The following ANK3 variants were observed in gnomAD, a reference collection of about 807,000 sequenced individuals.
The protein encoded by ANK3 is ankyrin-3.
Under a neutral mutation model 370.9 loss-of-function variants are expected in ANK3, and 57 were observed. The ratio of observed to expected loss-of-function variants is 0.15; its 90% CI spans 0.12 to 0.19. ANK3 has a LOEUF of 0.19. ANK3 is among the 10% of genes least tolerant of loss of function. The pLI is 1.00. For missense variants in ANK3, 4,439 were observed against 5,302.1 expected (o/e 0.84, Z 5.06); for synonymous variants, 1,929 against 1,946.3 (o/e 0.99, Z 0.23).
chr10:60,085,971 A>G (rs2086602590), intron 30 of ANK3, among the ~76,000 whole-genome samples: 1 of 152,218 alleles, frequency 6.6e-6, no homozygotes. Context: ...CATTCTGTAC[A>G]TGGCATTCTG....
At chr10:60,126,543 C>T (rs1337287356) in intron 25 of ANK3, among the ~76,000 whole-genome samples, 4 of 151,766 alleles carry the variant, frequency 2.6e-5, no homozygotes, top group African/African-American at 9.7e-5. Flanking sequence ...AAAAAATTAG[C>T]GAGGTGTGGT....
intron 1 of ANK3, among the ~76,000 whole-genome samples, chr10:60,280,293 A>G (rs2098142038): frequency 6.6e-6 from 1 of 152,090 alleles, no homozygotes; most frequent in Admixed American, 6.6e-5. Flanking sequence ...TCCTGGCCTC[A>G]AGCAATCCTC....
chr10:60,365,896 T>C (rs1214943172), intron 1 of ANK3, among the ~76,000 whole-genome samples: 1 of 152,084 alleles, frequency 6.6e-6, no homozygotes, highest in Non-Finnish European at 1.5e-5. Context: ...TCAGCAGCAG[T>C]GAGAGTGGTA....
At chr10:60,669,946 T>C (rs892977564) in intron 1 of ANK3, among the ~76,000 whole-genome samples, 8 of 152,136 alleles carry the variant, frequency 5.3e-5, no homozygotes, top group Non-Finnish European at 7.4e-5. Flanking sequence ...CCCCAGCCTT[T>C]CAAGTAGCTG....
Position 60,384,106 on chromosome 10 carries a change from A to G in ANK3, c.114+5319T>C, listed in dbSNP as rs187795153. On this transcript the variant is annotated intron_variant, in intron 1 of 43. Transcript: ENST00000280772. ...TTTAAGCCTTAGTTTTACCTACAAA[A>G]ATGGAGATGAAAATAATGCCTGCCT... Among the ~76,000 whole-genome samples the G allele has an allele frequency of 1.4e-3, 218 of 152,256 alleles. 1 individual carries two copies. Among genetic ancestry groups the G allele is most frequent in the Non-Finnish European group, 2.3e-3 (156 of 68,008 alleles).
intron 1 of ANK3, among the ~76,000 whole-genome samples, chr10:60,727,503 T>C (rs1178562641): frequency 6.6e-6 from 1 of 152,180 alleles, no homozygotes; most frequent in Non-Finnish European, 1.5e-5. Context: ...GTTTGATAAC[T>C]GTCAAAATTC....
intron 2 of ANK3, among the ~76,000 whole-genome samples, chr10:60,432,632 G>A (rs993614157): frequency 1.3e-5 from 2 of 152,168 alleles, no homozygotes; most frequent in African/African-American, 4.8e-5. Context: ...AATAAAAAGG[G>A]ATAACTTTTA....
At chr10:60,542,250 C>G (rs1007075310) in intron 2 of ANK3, among the ~76,000 whole-genome samples, 2 of 151,756 alleles carry the variant, frequency 1.3e-5, no homozygotes, top group Non-Finnish European at 2.9e-5. Flanking sequence ...AGTCTGCACC[C>G]TCAGAAACTG....
At chr10:60,637,312 T>C (rs2078568040) in intron 1 of ANK3, among the ~76,000 whole-genome samples, 1 of 152,110 alleles carries the variant, frequency 6.6e-6, no homozygotes, top group African/African-American at 2.4e-5. Context: ...GGGGAGAAGG[T>C]TGTGCTTGAT....
At chr10:60,456,829 A>T (rs2064761199) in intron 2 of ANK3, among the ~76,000 whole-genome samples, 1 of 152,088 alleles carries the variant, frequency 6.6e-6, no homozygotes. Flanking sequence ...CTCCAACACT[A>T]GATTTTTGCT....
At chr10:60,421,570 C>A (rs2063779960) in intron 2 of ANK3, among the ~76,000 whole-genome samples, 1 of 151,856 alleles carries the variant, frequency 6.6e-6, no homozygotes. Flanking sequence ...ACAATTACTG[C>A]CAGAAGGTAC....
chr10:60,059,434 T>G lies in ANK3; in HGVS notation c.12596-4A>C, dbSNP rs781558826. The G allele has an allele frequency of 2.5e-6, 4 of 1,612,738 alleles. No individual in the cohort carries two copies. Among genetic ancestry groups the G allele is most frequent in the Non-Finnish European group, 3.4e-6 (4 of 1,178,762 alleles). ...CTTGATGTCTCATTCTGCCAACCTG[T>G]AATTGAAGACATTTCCAGTTCTGCT... On this transcript the variant is annotated splice_region_variant and splice_polypyrimidine_tract_variant and intron_variant, in intron 40 of 43. Coordinates refer to ENST00000280772, the MANE Select transcript of ANK3 (RefSeq NM_020987.5).
intron 2 of ANK3, among the ~76,000 whole-genome samples, chr10:60,467,784 A>G (rs1239398557): frequency 2.0e-5 from 3 of 152,158 alleles, no homozygotes; most frequent in Non-Finnish European, 4.4e-5. Flanking sequence ...AAAGGAAAAC[A>G]GTTTAAGCAA....
chr10:60,045,794 ACATTCTATGATTGCCATATGTCATGTGAC>A (rs2076854311), intron 42 of ANK3, among the ~76,000 whole-genome samples: 1 of 152,236 alleles, frequency 6.6e-6, no homozygotes, highest in South Asian at 2.1e-4. Context: ...AATGGTGAGA[ACATTCTATGATTGCCATATGTCATGTGAC>A]CATATGTCAC....
chr10:60,430,343 C>A (rs971597393), intron 2 of ANK3, among the ~76,000 whole-genome samples: 1 of 151,910 alleles, frequency 6.6e-6, no homozygotes, highest in East Asian at 1.9e-4. Flanking sequence ...GTCCAAAGAC[C>A]AAACATTGTC....
intron 28 of ANK3, among the ~76,000 whole-genome samples, chr10:60,090,021 A>G (rs1278680360): frequency 6.6e-6 from 1 of 152,090 alleles, no homozygotes; most frequent in Admixed American, 6.5e-5. Flanking sequence ...GGAGACAACT[A>G]TTTTTAAAAA....
At chr10:60,300,976 C>T (rs1430018681) in intron 1 of ANK3, among the ~76,000 whole-genome samples, 2 of 151,514 alleles carry the variant, frequency 1.3e-5, no homozygotes, top group Non-Finnish European at 2.9e-5. Context: ...ACTTTACTGC[C>T]GAGGAGAGTT....
chr10:60,055,506 C>T (rs1240977851), intron 42 of ANK3, 152 bp downstream of exon 42: 1 of 1,069,294 alleles, frequency 9.4e-7, no homozygotes. Flanking sequence ...TCAGTACTTT[C>T]TTTACCTCCA....
chr10:60,437,793 C>T lies in ANK3; in HGVS notation c.97-158154G>A, dbSNP rs115436751. On this transcript the variant is annotated intron_variant, in intron 2 of 43. Transcript: ENST00000373827. ...CATTAGATCTTTTCACCCTAATTGTCCTGTCAGATGAAGAAACAGACTTAA... is the reference window on the plus strand; with the variant it reads ...CATTAGATCTTTTCACCCTAATTGTTCTGTCAGATGAAGAAACAGACTTAA... Among the ~76,000 whole-genome samples the T allele has an allele frequency of 4.5e-3, 678 of 152,220 alleles. 3 individuals are homozygous for T. The highest frequency in any genetic ancestry group is 0.016 in the African/African-American group (657 of 41,550).
Sources: gnomAD v4.1 joint callset for allele counts (sites outside exome capture counted in the v4.1 genomes callset) on GRCh38, gnomAD v4.1.1 for gene constraint, MANE v1.5 for transcripts, NCBI Gene and HGNC (gene_info 2026-07-23, HGNC 2026-07-21) for gene names.